The following DLGAP1 variants were observed in gnomAD, a reference collection of about 807,000 sequenced individuals.
The protein encoded by DLGAP1 is DLG associated protein 1, also known as disks large-associated protein 1.
A neutral mutation model predicts 90.8 loss-of-function variants in DLGAP1; 11 were observed. The ratio of observed to expected loss-of-function variants is 0.12; its 90% confidence interval spans 0.08 to 0.20. The LOEUF (loss-of-function observed/expected upper bound fraction) is 0.20. Among genes scored for constraint, DLGAP1 ranks in the 10% least tolerant of loss-of-function variants. The pLI is 1.00. For missense variants in DLGAP1, 1,050 were observed against 1,333.8 expected, an observed-to-expected ratio of 0.79 and a Z score of 3.31; for synonymous variants, 558 against 540.7, an observed-to-expected ratio of 1.03 and a Z score of -0.44.
At chr18:3,671,223 T>A (rs2060079043) in intron 7 of DLGAP1, among the ~76,000 whole-genome samples, 1 of 151,618 alleles carries the variant, frequency 6.6e-6, no homozygotes, top group Admixed American at 6.6e-5. Flanking sequence ...AAGTCAGACT[T>A]CCTTGAGGAA....
intron 2 of DLGAP1, among the ~76,000 whole-genome samples, chr18:4,012,147 C>A (rs1282959597): frequency 6.6e-6 from 1 of 152,146 alleles, no homozygotes; most frequent in Non-Finnish European, 1.5e-5. Flanking sequence ...GTGCCATGCC[C>A]ACCTCTCCTG....
chr18:4,128,898 AT>A lies in DLGAP1; in HGVS notation c.-159+22281del, dbSNP rs200643247. Among the ~76,000 whole-genome samples, 575 of 150,216 alleles carry A rather than the reference AT, an allele frequency of 3.8e-3. 4 individuals are homozygous for A. Among genetic ancestry groups the A allele is most frequent in the African/African-American group, 0.013 (527 of 41,036 alleles). ...CAACTAACTGCTGGTAAACACCGGCATTTTTTTTTTAACTTGTAGTTTTCCT... is the reference window on the plus strand; with the variant it reads ...CAACTAACTGCTGGTAAACACCGGCATTTTTTTTTAACTTGTAGTTTTCCT... On this transcript the variant is annotated intron_variant, in intron 2 of 12. Coordinates refer to ENST00000315677, the MANE Select transcript of DLGAP1 (RefSeq NM_004746.4).
At position 3,879,936 on chromosome 18, in the gene DLGAP1, G is replaced by C; in HGVS notation, c.133C>G (p.Pro45Ala). 1 of 1,612,098 alleles carries C rather than the reference G, an allele frequency of 6.2e-7. No individual in the cohort carries two copies. Among genetic ancestry groups the C allele is most frequent in the Non-Finnish European group, 8.5e-7 (1 of 1,179,692 alleles). Residue 45 changes from proline (P) to alanine (A), a missense_variant, in exon 4 of 13, where the codon CCA becomes GCA. Coordinates refer to ENST00000315677, the MANE Select transcript of DLGAP1 (RefSeq NM_004746.4). This position sits in a 1 kb window ranked among gnomAD's most constrained non-coding sequence, Gnocchi z 6.6. ...SPVEHHPADH[P>A]YYTQRNSFQA... The stretch of plus-strand genomic sequence containing the variant: ...AAGGAGTTCCGCTGGGTGTAGTATG[G>C]GTGGTCTGCGGGGTGGTGCTCCACT...
intron 1 of DLGAP1, among the ~76,000 whole-genome samples, chr18:4,390,188 T>C (rs1392739400): frequency 2.0e-5 from 3 of 151,106 alleles, no homozygotes; most frequent in African/African-American, 7.3e-5. Flanking sequence ...GATGTATTCC[T>C]CCCCCTTTTT....
At position 3,561,262 on chromosome 18, in the gene DLGAP1, A is replaced by C. The variant is rs1454684668; in HGVS notation, c.2057+6228T>G. On this transcript the variant is annotated intron_variant, in intron 9 of 12. Transcript: ENST00000315677. Reference sequence around the variant, plus strand: ...GAAACACCGTCTCTACTAAAAAAAAAAAACAAAAAAAAAAAAACAAACAAA... The same window carrying C: ...GAAACACCGTCTCTACTAAAAAAAACAAACAAAAAAAAAAAAACAAACAAA... Among the ~76,000 whole-genome samples, 233 of 103,062 alleles carry C rather than the reference A, an allele frequency of 2.3e-3. 1 individual carries two copies. The East Asian group carries it at 0.023, about 10-fold the overall frequency. The allele number at this position is 103,062 out of a possible 152,430, so 67.6% of individuals were successfully genotyped here.
At chr18:3,504,950 T>C (rs2050136777) in intron 11 of DLGAP1, among the ~76,000 whole-genome samples, 1 of 152,006 alleles carries the variant, frequency 6.6e-6, no homozygotes, top group Non-Finnish European at 1.5e-5. Flanking sequence ...CTGGGGTCCT[T>C]GGTTTAGTTA....
rs148512787 is a variant in DLGAP1 at position 3,818,214 on chromosome 18, T to C, written c.958-3941A>G. On this transcript the variant is annotated intron_variant, in intron 4 of 12. Coordinates refer to ENST00000315677, the MANE Select transcript of DLGAP1 (RefSeq NM_004746.4). ...AATGAGGATTAGTGTGCATTGTCTA[T>C]TTCAGTGGTAGCCCGTCTATAACTG... is the stretch of plus-strand genomic sequence containing the variant. Among the ~76,000 whole-genome samples, 5 of 152,314 alleles carry C rather than the reference T, an allele frequency of 3.3e-5. No homozygotes were observed. In the East Asian group the frequency reaches 9.6e-4, roughly 29 times the overall value.
intron 5 of DLGAP1, among the ~76,000 whole-genome samples, chr18:3,778,752 T>C (rs1314223578): frequency 6.6e-6 from 1 of 152,038 alleles, no homozygotes; most frequent in East Asian, 1.9e-4. Flanking sequence ...AAATGATCAT[T>C]ATGTTCTAAG....
chr18:4,197,215 AAAAG>A (rs2077518051), intron 1 of DLGAP1, among the ~76,000 whole-genome samples: 1 of 151,132 alleles, frequency 6.6e-6, no homozygotes, highest in Non-Finnish European at 1.5e-5. Flanking sequence ...AAAAGAAAAA[AAAAG>A]AAAGAGGCAG....
chr18:4,250,149 G>T (rs149403142), intron 1 of DLGAP1, among the ~76,000 whole-genome samples: 1 of 152,270 alleles, frequency 6.6e-6, no homozygotes, highest in African/African-American at 2.4e-5. Context: ...TGGGGAGACT[G>T]CTTTTTTCTC....
rs150810072 is a variant in DLGAP1 at position 3,602,094 on chromosome 18, A to G, written c.1592-19846T>C. Among the ~76,000 whole-genome samples the G allele has an allele frequency of 3.6e-4, 55 of 152,254 alleles. 1 individual carries two copies. In the South Asian group the frequency reaches 8.3e-3, roughly 23 times the overall value. ...CACTACAGGGTGGCAGCTCCGTGCT[A>G]TGTACAAGCCGGGTGCCGCGCAGCT... On this transcript the variant is annotated intron_variant, in intron 7 of 12. Coordinates refer to ENST00000315677, the MANE Select transcript of DLGAP1 (RefSeq NM_004746.4).
At chr18:4,283,890 C>G (rs16946331) in intron 1 of DLGAP1, among the ~76,000 whole-genome samples, 1,981 of 152,256 alleles carry the variant, frequency 0.013, 40 homozygotes, top group African/African-American at 0.043. Context: ...GCTTTTGTCT[C>G]ATCCAAGAAA....
chr18:3,892,085 G>T (rs1167094851), intron 3 of DLGAP1: 1 of 143,560 alleles, frequency 7.0e-6, no homozygotes, highest in African/African-American at 2.6e-5. Flanking sequence ...TAATCACTAG[G>T]CCATAATGAC....
intron 7 of DLGAP1, among the ~76,000 whole-genome samples, chr18:3,602,593 C>CAAAAAAA (rs71159102): frequency 9.6e-4 from 64 of 66,652 alleles, no homozygotes; most frequent in East Asian, 2.8e-3. Flanking sequence ...AGACTCCGTC[C>CAAAAAAA]AAAAAAAAAA....
chr18:3,869,986 A>AT (rs2070644611), intron 4 of DLGAP1, among the ~76,000 whole-genome samples: 1 of 152,234 alleles, frequency 6.6e-6, no homozygotes, highest in Non-Finnish European at 1.5e-5. Flanking sequence ...GCCCAAAGTC[A>AT]TGTAGCAAGC....
At chr18:3,555,608 C>T (rs531089984) in intron 9 of DLGAP1, among the ~76,000 whole-genome samples, 3 of 152,122 alleles carry the variant, frequency 2.0e-5, no homozygotes, top group African/African-American at 7.2e-5. Flanking sequence ...GTCAGGAGTT[C>T]GAGACCAGCC....
At chr18:3,789,693 T>A (rs1294251366) in intron 5 of DLGAP1, among the ~76,000 whole-genome samples, 1 of 152,110 alleles carries the variant, frequency 6.6e-6, no homozygotes, top group Admixed American at 6.5e-5. Context: ...TGGTCAACAG[T>A]GTAAAATATT....
chr18:4,206,762 C>T (rs1004532066), intron 1 of DLGAP1, among the ~76,000 whole-genome samples: 1 of 152,176 alleles, frequency 6.6e-6, no homozygotes, highest in Non-Finnish European at 1.5e-5. Flanking sequence ...ATTCTGTTAC[C>T]TTCATTCATC....
intron 2 of DLGAP1, among the ~76,000 whole-genome samples, chr18:4,041,388 G>T (rs977298098): frequency 1.3e-5 from 2 of 152,168 alleles, no homozygotes; most frequent in Non-Finnish European, 2.9e-5. Flanking sequence ...ACAGAGGTCA[G>T]ATTGTTACAA....
Sources: allele counts gnomAD v4.1 joint callset (sites outside exome capture counted in the v4.1 genomes callset), GRCh38; gene constraint gnomAD v4.1.1; non-coding constraint Gnocchi (gnomAD v3.1); transcripts MANE v1.5; gene names NCBI Gene and HGNC (gene_info 2026-07-23, HGNC 2026-07-21).